Variants in KIAA1217 observed in about 807,000 individuals in gnomAD.
The protein encoded by KIAA1217 is sickle tail protein homolog.
Under a neutral mutation model 163.9 loss-of-function variants are expected in KIAA1217, and 88 were observed. That is an observed-to-expected ratio of 0.54 (90% CI 0.45 to 0.64). The LOEUF (loss-of-function observed/expected upper bound fraction) is 0.64. KIAA1217 is among the 30% of genes least tolerant of loss of function. KIAA1217 has a pLI of 0.00. For synonymous variants in KIAA1217, 903 were observed against 923.1 expected, an observed-to-expected ratio of 0.98 and a Z score of 0.39; for missense variants, 2,372 against 2,475.0, an observed-to-expected ratio of 0.96 and a Z score of 0.88.
chr10:24,525,084 T>TG (rs2071915550), intron 13 of KIAA1217, among the ~76,000 whole-genome samples: 1 of 140,060 alleles, frequency 7.1e-6, no homozygotes, highest in South Asian at 2.3e-4. Flanking sequence ...GGCGGCGGGG[T>TG]GGGGGGGCAG....
intron 2 of KIAA1217, among the ~76,000 whole-genome samples, chr10:24,325,760 C>T (rs1416003656): frequency 6.6e-6 from 1 of 152,028 alleles, no homozygotes; most frequent in African/African-American, 2.4e-5. Context: ...GTGGATCTGT[C>T]TGGACATGTA....
chr10:24,502,806 T>A (rs1055922288), intron 9 of KIAA1217, among the ~76,000 whole-genome samples: 1 of 152,060 alleles, frequency 6.6e-6, no homozygotes, highest in Non-Finnish European at 1.5e-5. Flanking sequence ...GCCTGGCCAA[T>A]GTGGTGAAAC....
At chr10:24,511,811 CCAGA>C (rs1227734019) in intron 9 of KIAA1217, among the ~76,000 whole-genome samples, 1 of 152,134 alleles carries the variant, frequency 6.6e-6, no homozygotes. Context: ...TGGTTCCCTC[CCAGA>C]CAAAATGCCA....
At chr10:23,733,900 A>G (rs1467713953) in intron 1 of KIAA1217, among the ~76,000 whole-genome samples, 1 of 152,110 alleles carries the variant, frequency 6.6e-6, no homozygotes, top group East Asian at 1.9e-4. Context: ...TCTTTTATAA[A>G]TTGTTCTTTG....
chr10:24,385,853 G>T (rs1224745509), intron 3 of KIAA1217, among the ~76,000 whole-genome samples: 1 of 152,160 alleles, frequency 6.6e-6, no homozygotes. Context: ...ATGAAAAATG[G>T]TCGGGCTGAT....
chr10:23,875,137 A>G (rs1311251688), intron 1 of KIAA1217, among the ~76,000 whole-genome samples: 2 of 152,048 alleles, frequency 1.3e-5, no homozygotes, highest in Non-Finnish European at 2.9e-5. Context: ...ATGAGCTTCC[A>G]TGACCCAAAT....
intron 1 of KIAA1217, among the ~76,000 whole-genome samples, chr10:23,982,529 T>TTTTCTC (rs1365479677): frequency 6.8e-5 from 5 of 73,570 alleles, no homozygotes; most frequent in African/African-American, 2.0e-4. Context: ...TGTTTTTTGT[T>TTTTCTC]TCTCTCTCTC....
chr10:24,067,912 G>A (rs12243213), intron 2 of KIAA1217, among the ~76,000 whole-genome samples: 3,679 of 147,668 alleles, frequency 0.025, 157 homozygotes, highest in African/African-American at 0.092. Context: ...AGCAATGAGC[G>A]AGGCTCCATG....
rs1254401743 is a variant in KIAA1217, at chr10:23,855,434, G to A, written c.-320-151791G>A. Among the ~76,000 whole-genome samples the A allele has an allele frequency of 2.0e-5, 3 of 152,148 alleles. No homozygotes were observed. The South Asian group carries it at 6.2e-4, about 31-fold the overall frequency. On this transcript the variant is annotated intron_variant, in intron 1 of 18. Coordinates refer to the KIAA1217 transcript ENST00000376462. ...TGTGGGTAACCCGACCTTTCTGTCT[G>A]GCTGCCCTTAACATTTTTTCCTTCA...
At chr10:24,158,590 C>T (rs1248911177) in intron 2 of KIAA1217, 5 of 505,562 alleles carry the variant, frequency 9.9e-6, no homozygotes, top group Middle Eastern at 6.5e-4. Flanking sequence ...CACTGACAGA[C>T]GTGCTTTATC....
chr10:24,257,089 G>A (rs1053140968), intron 2 of KIAA1217, among the ~76,000 whole-genome samples: 3 of 152,140 alleles, frequency 2.0e-5, no homozygotes, highest in African/African-American at 7.2e-5. Context: ...GTGAGGTAAG[G>A]AAACCCATGG....
intron 1 of KIAA1217, among the ~76,000 whole-genome samples, chr10:23,908,279 TG>T (rs1265413151): frequency 5.4e-5 from 8 of 148,804 alleles, no homozygotes; most frequent in Admixed American, 4.6e-4. Flanking sequence ...ATGGATGTAT[TG>T]TTTTTTTTCA....
At chr10:23,903,210 G>C (rs1450588556) in intron 1 of KIAA1217, among the ~76,000 whole-genome samples, 1 of 151,912 alleles carries the variant, frequency 6.6e-6, no homozygotes, top group Non-Finnish European at 1.5e-5. Context: ...TCCATTTTTG[G>C]TATTTCTTTA....
intron 1 of KIAA1217, among the ~76,000 whole-genome samples, chr10:23,844,231 A>G (rs954779444): frequency 6.6e-6 from 1 of 152,136 alleles, no homozygotes; most frequent in Non-Finnish European, 1.5e-5. Flanking sequence ...ACCAGATTAG[A>G]ATCCAGCTTT....
chr10:24,369,490 C>G (rs1020605108), intron 2 of KIAA1217, among the ~76,000 whole-genome samples: 49 of 152,138 alleles, frequency 3.2e-4, no homozygotes, highest in South Asian at 1.0e-3. Flanking sequence ...GGGTGAGGGC[C>G]TTTGCTAGCA....
At chr10:24,398,146 G>A (rs986825203) in intron 3 of KIAA1217, among the ~76,000 whole-genome samples, 3 of 152,188 alleles carry the variant, frequency 2.0e-5, no homozygotes, top group Non-Finnish European at 4.4e-5. Flanking sequence ...AACATAAGTA[G>A]TCAATTAACA....
intron 3 of KIAA1217, among the ~76,000 whole-genome samples, chr10:24,407,188 C>T (rs991839029): frequency 2.0e-5 from 3 of 152,054 alleles, no homozygotes; most frequent in African/African-American, 4.8e-5. Flanking sequence ...CAGGATGTCT[C>T]GTAGCAATGT....
chr10:24,007,539 T>A lies in KIAA1217; in HGVS notation c.-171+165T>A, dbSNP rs549630301. Among the ~76,000 whole-genome samples the A allele has an allele frequency of 3.7e-4, 56 of 152,284 alleles. 1 individual carries two copies. Among genetic ancestry groups the A allele is most frequent in the African/African-American group, 1.3e-3 (54 of 41,570 alleles). On this transcript the variant is annotated intron_variant, in intron 2 of 18. Coordinates refer to the KIAA1217 transcript ENST00000376462. ...TTGAACCCTGCAATCTTCCCACAGG[T>A]ATTTGTTCTGATATGTAGCTGCTTT...
intron 2 of KIAA1217, among the ~76,000 whole-genome samples, chr10:24,069,753 G>A (rs7921917): frequency 0.051 from 7,834 of 152,254 alleles, 275 homozygotes; most frequent in African/African-American, 0.1. Flanking sequence ...TATCCATGAA[G>A]CTAAGAAAAG....
Sources: gnomAD v4.1 joint callset for allele counts (sites outside exome capture counted in the v4.1 genomes callset) on GRCh38, gnomAD v4.1.1 for gene constraint, MANE v1.5 for transcripts, NCBI Gene and HGNC (gene_info 2026-07-23, HGNC 2026-07-21) for gene names.